Variants in VPS8 observed in about 807,000 individuals in gnomAD.
The protein encoded by VPS8 is vacuolar protein sorting-associated protein 8 homolog.
Under a neutral mutation model 216.4 loss-of-function variants are expected in VPS8, and 129 were observed. The observed-to-expected ratio is 0.60, with a 90% CI of 0.52 to 0.69. The LOEUF is 0.69. Ranked by LOEUF, VPS8 falls within the 30% of genes least tolerant of loss-of-function variation. The pLI, the probability that VPS8 is intolerant of heterozygous loss-of-function variation, is 0.00. For synonymous variants in VPS8, 571 were observed against 565.4 expected, an observed-to-expected ratio of 1.01 and a Z score of -0.14; for missense variants, 1,531 against 1,683.5, an observed-to-expected ratio of 0.91 and a Z score of 1.59.
At chr3:184,949,878 T>TTTGTTG (rs71162269) in intron 36 of VPS8, among the ~76,000 whole-genome samples, 33 of 150,642 alleles carry the variant, frequency 2.2e-4, no homozygotes, top group Non-Finnish European at 3.7e-4. Context: ...AATAGGGGTT[T>TTTGTTG]TTGTTGTTGT....
chr3:185,043,728 T>G (rs1712216030), intron 46 of VPS8, among the ~76,000 whole-genome samples: 1 of 152,200 alleles, frequency 6.6e-6, no homozygotes, highest in South Asian at 2.1e-4. Flanking sequence ...CTCATGGGTC[T>G]TTTGTTTATA....
intron 45 of VPS8, among the ~76,000 whole-genome samples, chr3:185,017,457 T>A (rs1433417061): frequency 6.6e-6 from 1 of 152,212 alleles, no homozygotes; most frequent in Non-Finnish European, 1.5e-5. Flanking sequence ...TCGTTTAATT[T>A]CACCTTTCCC....
At chr3:184,901,805 A>G (rs1021323573) in intron 25 of VPS8, among the ~76,000 whole-genome samples, 2 of 152,088 alleles carry the variant, frequency 1.3e-5, no homozygotes, top group Non-Finnish European at 2.9e-5. Context: ...CCAAATACCT[A>G]AGGTTGGAAT....
intron 23 of VPS8, 81 bp downstream of exon 23, chr3:184,895,006 G>A: frequency 8.5e-7 from 1 of 1,179,048 alleles, no homozygotes; most frequent in Non-Finnish European, 1.2e-6. Flanking sequence ...GATCAGGCCT[G>A]ACCCTGCCTT....
intron 42 of VPS8, among the ~76,000 whole-genome samples, chr3:184,992,156 A>G (rs1751985289): frequency 6.6e-6 from 1 of 152,176 alleles, no homozygotes; most frequent in Non-Finnish European, 1.5e-5. Flanking sequence ...AAGAGCCATC[A>G]CTAGAACCCA....
intron 47 of VPS8, among the ~76,000 whole-genome samples, chr3:185,051,006 C>T (rs551888669): frequency 6.6e-6 from 1 of 152,266 alleles, no homozygotes; most frequent in East Asian, 1.9e-4. Flanking sequence ...AAGCAACAGG[C>T]AAAGACCCTA....
rs145248657 is a variant in VPS8 at position 184,859,240 on chromosome 3, A to G, written c.1144-745A>G. On this transcript the variant is annotated intron_variant, in intron 14 of 47. Coordinates refer to ENST00000625842, the MANE Select transcript of VPS8 (RefSeq NM_001009921.3). ...TTCAACATCATCTCCTTCCTTCTTA[A>G]AACGAGTTACCCATTTGTAAACTGC... Among the ~76,000 whole-genome samples the G allele has an allele frequency of 2.0e-5, 3 of 152,310 alleles. No homozygotes were observed. The East Asian group carries it at 5.8e-4, about 29-fold the overall frequency.
chr3:185,000,036 C>T (rs1156556581), intron 45 of VPS8, among the ~76,000 whole-genome samples, 175 bp downstream of exon 45: 1 of 152,184 alleles, frequency 6.6e-6, no homozygotes, highest in African/African-American at 2.4e-5. Flanking sequence ...CCTCTCTACT[C>T]AGTATGGAAA....
chr3:184,982,760 T>C (rs1750425840), intron 41 of VPS8, 113 bp downstream of exon 41: 2 of 927,224 alleles, frequency 2.2e-6, no homozygotes, highest in South Asian at 3.8e-5. Context: ...TTATGATTTT[T>C]CCTTAATGAA....
At chr3:184,892,689 T>G (rs1222935648) in intron 22 of VPS8, among the ~76,000 whole-genome samples, 1 of 152,210 alleles carries the variant, frequency 6.6e-6, no homozygotes, top group East Asian at 1.9e-4. Context: ...AGCTTCTGAT[T>G]GGTTAAGAAA....
intron 8 of VPS8, among the ~76,000 whole-genome samples, chr3:184,847,710 T>C (rs1445992645): frequency 6.6e-6 from 1 of 152,208 alleles, no homozygotes; most frequent in Non-Finnish European, 1.5e-5. Flanking sequence ...GTGGGTATAA[T>C]AATGAACTCT....
At chr3:184,895,599 TCC>T (rs1458079421) in intron 23 of VPS8, among the ~76,000 whole-genome samples, 2 of 9,604 alleles carry the variant, frequency 2.1e-4, no homozygotes, top group Non-Finnish European at 2.2e-4. Context: ...CTCCTCCTCC[TCC>T]CCCCCTCCTC....
At chr3:184,852,588 T>C (rs761336402) in intron 11 of VPS8, 21 bp downstream of exon 11, 10 of 1,606,380 alleles carry the variant, frequency 6.2e-6, no homozygotes, top group Admixed American at 5.1e-5. Context: ...AGTGGACATT[T>C]GTTGACAAAT....
At chr3:184,962,846 AG>A (rs1372072781) in intron 37 of VPS8, among the ~76,000 whole-genome samples, 1 of 113,194 alleles carries the variant, frequency 8.8e-6, no homozygotes, top group Non-Finnish European at 2.2e-5. Flanking sequence ...TCTTACATTT[AG>A]GCTTTTAATC....
chr3:184,878,433 G>A (rs1220629677), intron 21 of VPS8, among the ~76,000 whole-genome samples: 1 of 152,176 alleles, frequency 6.6e-6, no homozygotes, highest in Non-Finnish European at 1.5e-5. Context: ...GAAGCCTTAT[G>A]TTAATCGTTA....
In VPS8 at chr3:184,937,140, A is replaced by G. The variant is rs558297906; in HGVS notation, c.2988+805A>G. Among the ~76,000 whole-genome samples, 18 of 152,312 alleles carry G rather than the reference A, an allele frequency of 1.2e-4. No individual in the cohort carries two copies. The East Asian group carries it at 3.1e-3, about 26-fold the overall frequency. On this transcript the variant is annotated intron_variant, in intron 35 of 47. Transcript: ENST00000625842. ...GGAAAATCTTAACTGGAATACAGCT[A>G]TATGCATGGTAAATATTGAGAAGCT...
chr3:185,016,654 C>A (rs1342050151), intron 45 of VPS8, among the ~76,000 whole-genome samples: 1 of 152,184 alleles, frequency 6.6e-6, no homozygotes, highest in Non-Finnish European at 1.5e-5. Context: ...CGGGAGAAGG[C>A]AATCCTGGCT....
At chr3:184,996,809 C>T (rs578148068) in intron 44 of VPS8, among the ~76,000 whole-genome samples, 25 of 152,208 alleles carry the variant, frequency 1.6e-4, no homozygotes, top group Admixed American at 6.5e-4. Context: ...TTGAGCAGAA[C>T]GAGAGAGGGA....
intron 23 of VPS8, among the ~76,000 whole-genome samples, chr3:184,895,988 G>A (rs1206971613): frequency 6.6e-6 from 1 of 151,948 alleles, no homozygotes; most frequent in South Asian, 2.1e-4. Context: ...TGTTACTCCT[G>A]CAAAGGTGCC....
Sources: allele counts gnomAD v4.1 joint callset (sites outside exome capture counted in the v4.1 genomes callset), GRCh38; gene constraint gnomAD v4.1.1; transcripts MANE v1.5; gene names NCBI Gene and HGNC (gene_info 2026-07-23, HGNC 2026-07-21).